The following SNTG2 variants were observed in gnomAD, a reference collection of about 807,000 sequenced individuals.
SNTG2 encodes the protein gamma-2-syntrophin.
Under a neutral mutation model 70.9 loss-of-function variants are expected in SNTG2, and 74 were observed. The ratio of observed to expected loss-of-function variants is 1.04; its 90% confidence interval spans 0.86 to 1.27. The LOEUF is 1.27. Ranked by LOEUF, SNTG2 falls within the 50% of genes most tolerant of loss-of-function variation. SNTG2 has a pLI of 0.00. For synonymous variants in SNTG2, 278 were observed against 273.8 expected (o/e 1.02, Z -0.15); for missense variants, 717 against 690.7 (o/e 1.04, Z -0.43).
At chr2:1,099,020 C>T (rs892834159) in intron 4 of SNTG2, among the ~76,000 whole-genome samples, 2 of 152,210 alleles carry the variant, frequency 1.3e-5, no homozygotes. Context: ...CCACACATTC[C>T]ACTATCGGGT....
chr2:1,363,132 C>CT lies in SNTG2; in HGVS notation c.1489-4211_1489-4210insT, dbSNP rs1661292266. ...CTGTGAAACCCTCACAAAATGGACC[C>CT]CCCCCATGAAAGAGGAACCATGAAT... On this transcript the variant is annotated intron_variant, in intron 16 of 16. Transcript: ENST00000308624. Among the ~76,000 whole-genome samples the CT allele has an allele frequency of 2.0e-5, 3 of 149,088 alleles. No individual in the cohort carries two copies. The Admixed American group carries it at 2.0e-4, about 10-fold the overall frequency.
intron 4 of SNTG2, among the ~76,000 whole-genome samples, chr2:1,113,089 C>G (rs1666616569): frequency 6.6e-6 from 1 of 151,306 alleles, no homozygotes; most frequent in Non-Finnish European, 1.5e-5. Context: ...TTAACCCTTA[C>G]AGTCCTTTGA....
At chr2:1,098,490 C>T in intron 4 of SNTG2, 80 bp downstream of exon 4, 2 of 1,438,808 alleles carry the variant, frequency 1.4e-6, no homozygotes, top group Non-Finnish European at 2.0e-6. Context: ...TAAAAATCAG[C>T]AGATATGTGT....
At chr2:1,230,763 C>T (rs1227401736) in intron 9 of SNTG2, among the ~76,000 whole-genome samples, 6 of 152,338 alleles carry the variant, frequency 3.9e-5, no homozygotes, top group South Asian at 2.1e-4. Context: ...CTCTTCAGCC[C>T]GGCCAGTGGC....
intron 1 of SNTG2, among the ~76,000 whole-genome samples, chr2:1,049,290 C>G (rs903133915): frequency 7.9e-5 from 12 of 152,142 alleles, no homozygotes; most frequent in African/African-American, 2.9e-4. Flanking sequence ...ACTTCACTGC[C>G]CTAAAATTCC....
chr2:1,183,851 A>G (rs976197035), intron 8 of SNTG2, among the ~76,000 whole-genome samples: 4 of 152,248 alleles, frequency 2.6e-5, no homozygotes, highest in African/African-American at 9.6e-5. Context: ...AGCATTAAAA[A>G]AAGAGTTTTT....
chr2:1,048,932 C>T (rs1201947201), intron 1 of SNTG2, among the ~76,000 whole-genome samples: 1 of 152,132 alleles, frequency 6.6e-6, no homozygotes, highest in African/African-American at 2.4e-5. Context: ...TCATGCTGCA[C>T]ACCTTTCTAT....
intron 1 of SNTG2, among the ~76,000 whole-genome samples, chr2:991,544 A>G (rs550547697): frequency 3.8e-4 from 58 of 152,172 alleles, no homozygotes; most frequent in Non-Finnish European, 6.9e-4. Context: ...ATCCTGTTAT[A>G]GTTTTGACCT....
At chr2:1,238,830 C>T (rs1317650968) in intron 10 of SNTG2, among the ~76,000 whole-genome samples, 8 of 152,212 alleles carry the variant, frequency 5.3e-5, no homozygotes, top group African/African-American at 1.9e-4. Flanking sequence ...GCAGACTGGC[C>T]AGGCGTGGCC....
intron 1 of SNTG2, among the ~76,000 whole-genome samples, chr2:968,628 AG>A (rs1336037323): frequency 6.6e-6 from 1 of 152,070 alleles, no homozygotes; most frequent in Non-Finnish European, 1.5e-5. Context: ...TTACCTATAG[AG>A]TGGTGCTTTA....
intron 1 of SNTG2, among the ~76,000 whole-genome samples, chr2:1,060,895 T>C (rs1662776611): frequency 6.6e-6 from 1 of 152,184 alleles, no homozygotes; most frequent in African/African-American, 2.4e-5. Flanking sequence ...CTCCCCTGAA[T>C]TATGTATAAA....
intron 9 of SNTG2, among the ~76,000 whole-genome samples, chr2:1,228,535 G>A (rs992527431): frequency 6.6e-6 from 1 of 152,176 alleles, no homozygotes; most frequent in Non-Finnish European, 1.5e-5. Flanking sequence ...ATTTTCTCAC[G>A]TTACTTAGAA....
chr2:1,178,005 T>G (rs534341437), intron 8 of SNTG2, among the ~76,000 whole-genome samples: 1 of 152,302 alleles, frequency 6.6e-6, no homozygotes, highest in East Asian at 1.9e-4. Flanking sequence ...AAAATATTTT[T>G]AATTATATGA....
intron 1 of SNTG2, among the ~76,000 whole-genome samples, chr2:1,043,478 A>G (rs1468146604): frequency 1.3e-5 from 2 of 152,150 alleles, no homozygotes; most frequent in Admixed American, 1.3e-4. Context: ...AGTTTTTGTA[A>G]TGAAGTCTTT....
chr2:1,111,089 T>A (rs575890298), intron 4 of SNTG2, among the ~76,000 whole-genome samples: 1 of 152,348 alleles, frequency 6.6e-6, no homozygotes, highest in East Asian at 1.9e-4. Flanking sequence ...AATCCCCAGA[T>A]CTAGACAGAG....
intron 4 of SNTG2, among the ~76,000 whole-genome samples, chr2:1,133,125 C>A (rs553978008): frequency 6.6e-6 from 1 of 152,142 alleles, no homozygotes; most frequent in African/African-American, 2.4e-5. Flanking sequence ...GGTTTAAATA[C>A]GTCCATAAGG....
rs1390755788 is a variant in SNTG2, at chr2:1,222,035, C to T, written c.719+12805C>T. ...TGTCTCTCTCTGTCTCTGCCTATCT[C>T]TGTCTCTCTCTGTCTCTCTCTGTCT... On this transcript the variant is annotated intron_variant, in intron 9 of 16. Coordinates refer to ENST00000308624, the MANE Select transcript of SNTG2 (RefSeq NM_018968.4). Among the ~76,000 whole-genome samples the T allele has an allele frequency of 1.9e-4, 2 of 10,564 alleles. 1 individual carries two copies. Among genetic ancestry groups the T allele is most frequent in the Non-Finnish European group, 5.5e-4 (2 of 3,648 alleles). 6.9% of individuals were successfully genotyped at this position (10,564 alleles called of 152,430 possible).
chr2:1,254,540 A>T (rs1677939715), intron 12 of SNTG2, among the ~76,000 whole-genome samples: 1 of 152,258 alleles, frequency 6.6e-6, no homozygotes, highest in Non-Finnish European at 1.5e-5. Flanking sequence ...TATCAATTAC[A>T]TAGGTATATT....
chr2:1,062,702 G>T (rs1260636469), intron 1 of SNTG2, among the ~76,000 whole-genome samples: 1 of 152,150 alleles, frequency 6.6e-6, no homozygotes, highest in Non-Finnish European at 1.5e-5. Flanking sequence ...ATTTTTGCAT[G>T]TACAAATTTT....
Sources: gnomAD v4.1 joint callset for allele counts (sites outside exome capture counted in the v4.1 genomes callset) on GRCh38, gnomAD v4.1.1 for gene constraint, MANE v1.5 for transcripts, NCBI Gene and HGNC (gene_info 2026-07-23, HGNC 2026-07-21) for gene names.